Variants in PSMD13 observed in about 807,000 individuals in gnomAD.
PSMD13 encodes the protein proteasome 26S subunit, non-ATPase 13, also known as 26S proteasome non-ATPase regulatory subunit 13.
Under a neutral mutation model 57.4 loss-of-function variants are expected in PSMD13, and 8 were observed. That is an observed-to-expected ratio of 0.14 (90% confidence interval 0.08 to 0.25). The LOEUF (loss-of-function observed/expected upper bound fraction) is 0.25, where lower values mean the gene tolerates loss of function less well. PSMD13 is among the 10% of genes least tolerant of loss of function. PSMD13 has a pLI of 1.00. For missense variants in PSMD13, 400 were observed against 461.5 expected (o/e 0.87, Z 1.22); for synonymous variants, 193 against 168.2 (o/e 1.15, Z -1.14).
At position 249,911 on chromosome 11, in the gene PSMD13, A is replaced by G. The variant is rs894569394; in HGVS notation, c.774+854A>G. ...GCATAGTGGAGCAGGGTAGATATAG[A>G]TGAAGGCACTGTGAAGAGGCAGAAA... On this transcript the variant is annotated intron_variant, in intron 9 of 12. Transcript: ENST00000532097. Among the ~76,000 whole-genome samples the G allele has an allele frequency of 2.0e-5, 3 of 152,184 alleles. No individual in the cohort carries two copies. The East Asian group carries it at 5.8e-4, about 29-fold the overall frequency.
chr11:251,804 C>G lies in PSMD13; in HGVS notation c.919-16C>G. ...TCAGGCTATCTTGTCTTACACACGC[C>G]TCCCTCTCTGCACAGGTGGAGCTTC... On this transcript the variant is annotated splice_polypyrimidine_tract_variant and intron_variant, in intron 11 of 12. Transcript: ENST00000532097. The surrounding 1 kb of genome is among the most constrained non-coding windows in gnomAD (Gnocchi z 4.6). 6.2e-7 allele frequency: 1 copy of G among 1,611,634 alleles called. No homozygotes were observed. Among genetic ancestry groups the G allele is most frequent in the Non-Finnish European group, 8.5e-7 (1 of 1,178,088 alleles).
chr11:246,014 T>C (rs1359929292), intron 6 of PSMD13, among the ~76,000 whole-genome samples: 1 of 152,086 alleles, frequency 6.6e-6, no homozygotes, highest in Non-Finnish European at 1.5e-5. Context: ...ACCACACTTC[T>C]CCCCCAGCCA....
intron 4 of PSMD13, 95 bp from the exon 5 acceptor site, chr11:244,331 T>C (rs1859586119): frequency 2.5e-6 from 4 of 1,578,682 alleles, no homozygotes; most frequent in East Asian, 2.2e-5. Context: ...TATTATACTT[T>C]ATGGTCAAAA....
intron 8 of PSMD13, 24 bp downstream of exon 8, chr11:248,879 T>C: frequency 1.2e-6 from 2 of 1,614,190 alleles, no homozygotes; most frequent in Non-Finnish European, 1.7e-6. Context: ...GAGCTCAGCT[T>C]CCTTAACGAG....
At chr11:239,997 T>G (rs1859478958) in intron 2 of PSMD13, among the ~76,000 whole-genome samples, 1 of 152,038 alleles carries the variant, frequency 6.6e-6, no homozygotes, top group African/African-American at 2.4e-5. Context: ...GCCATCAATT[T>G]GACATTTTAC....
In PSMD13 at chr11:244,201, G is replaced by A; in HGVS notation, c.250G>A (p.Val84Ile). 6.2e-7 allele frequency: 1 copy of A among 1,610,800 alleles called. No individual in the cohort carries two copies. Among genetic ancestry groups the A allele is most frequent in the Non-Finnish European group, 8.5e-7 (1 of 1,178,154 alleles). Residue 84 changes from valine (V) to isoleucine (I), a missense_variant, in exon 4 of 13, where the codon GTT becomes ATT. Physicochemically the swap from Val to Ile is conservative, Grantham distance 29 (BLOSUM62 3). Transcript: ENST00000532097. The part of the protein sequence containing the change: ...LSLVEIILHV[V>I]RQMTDPNVAL... ...CCTCGTGGAAATCATTCTTCATGTA[G>A]TTAGACAGATGACTGGTAAGTCTCA...
chr11:238,135 G>C (rs1350186830), intron 1 of PSMD13, among the ~76,000 whole-genome samples: 1 of 152,198 alleles, frequency 6.6e-6, no homozygotes, highest in African/African-American at 2.4e-5. Context: ...CACTGTCCCT[G>C]AGGTTTTAAA....
chr11:251,643 C>T lies in PSMD13; in HGVS notation c.918+17C>T, dbSNP rs750848395. ...GTGAATGAGGTACGGTCCCTAGGCT[C>T]AGGGTGTTAGAGCAGCAAAGCTGCC... On this transcript the variant is annotated intron_variant, in intron 11 of 12. Coordinates refer to ENST00000532097, the MANE Select transcript of PSMD13 (RefSeq NM_002817.4). The surrounding 1 kb of genome is among the most constrained non-coding windows in gnomAD (Gnocchi z 4.6). 6.8e-6 allele frequency: 11 copies of T among 1,606,756 alleles called. No homozygotes were observed. The African/African-American group carries it at 1.2e-4, about 18-fold the overall frequency.
chr11:247,997 T>TC (rs2133990428), intron 7 of PSMD13: 1 of 152,920 alleles, frequency 6.5e-6, no homozygotes, highest in South Asian at 2.1e-4. Flanking sequence ...CCTTCTCCAG[T>TC]CCCTCACTGT....
At chr11:248,214 T>G (rs554863444) in intron 7 of PSMD13, 1 of 153,272 alleles carries the variant, frequency 6.5e-6, no homozygotes, top group Non-Finnish European at 1.5e-5. Flanking sequence ...CCTGTGAGTT[T>G]TGGAAAAAGT....
At chr11:242,301 G>A (rs1177105920) in intron 2 of PSMD13, among the ~76,000 whole-genome samples, 2 of 147,772 alleles carry the variant, frequency 1.4e-5, no homozygotes, top group Non-Finnish European at 3.0e-5. Flanking sequence ...TGTGCTGAAT[G>A]GCTAAGAAAT....
At chr11:250,075 A>C (rs508693) in intron 9 of PSMD13, among the ~76,000 whole-genome samples, 1 of 152,134 alleles carries the variant, frequency 6.6e-6, no homozygotes, top group Non-Finnish European at 1.5e-5. Flanking sequence ...GGCAGCATCT[A>C]TTCAGGCAGC....
intron 5 of PSMD13, 45 bp from the exon 6 acceptor site, chr11:244,630 C>T (rs1859593140): frequency 6.4e-7 from 1 of 1,569,192 alleles, no homozygotes; most frequent in Non-Finnish European, 8.7e-7. Flanking sequence ...TGTTAGTCAA[C>T]TGCCCACATT....
rs908197490 is a variant in PSMD13, at chr11:251,727, C to T, written c.919-93C>T. The T allele has an allele frequency of 2.4e-5, 36 of 1,525,322 alleles. No homozygotes were observed. Among genetic ancestry groups the T allele is most frequent in the African/African-American group, 8.3e-5 (6 of 72,544 alleles). 94.5% of individuals were successfully genotyped at this position (1,525,322 alleles called of 1,614,324 possible). A position where few individuals can be genotyped will look rare whatever the true frequency, so the allele number is the denominator to read the frequency against. On this transcript the variant is annotated intron_variant, in intron 11 of 12. Coordinates refer to ENST00000532097, the MANE Select transcript of PSMD13 (RefSeq NM_002817.4). The surrounding 1 kb of genome is among the most constrained non-coding windows in gnomAD (Gnocchi z 4.6). ...GTGCTCCCTAGACAGTAAAAAATGA[C>T]GGGAGGAGCGGCATCTGCTTCTCAC... is the stretch of plus-strand genomic sequence containing the variant.
rs948452398 is a variant in PSMD13 at position 252,168 on chromosome 11, C to T, written c.1035+232C>T. ...ATGACAATGGCACTGGTTGTGCTGA[C>T]GGTGCCTTTTAATCTTAAGATAGGA... On this transcript the variant is annotated intron_variant, in intron 12 of 12. Transcript: ENST00000532097. The surrounding 1 kb of genome is among the most constrained non-coding windows in gnomAD (Gnocchi z 4.1). The T allele has an allele frequency of 8.7e-5, 45 of 519,832 alleles. 1 individual carries two copies. The South Asian group carries it at 9.6e-4, about 11-fold the overall frequency. 32.2% of individuals were successfully genotyped at this position (519,832 alleles called of 1,614,324 possible). A position where few individuals can be genotyped will look rare whatever the true frequency, so the allele number is the denominator to read the frequency against.
In PSMD13 at chr11:240,101, CTTTTTTTTTTTTTTTTTTT is replaced by C. The variant is rs60869932; in HGVS notation, c.174+1034_174+1052del. Among the ~76,000 whole-genome samples the C allele has an allele frequency of 2.3e-3, 116 of 51,442 alleles. 2 individuals are homozygous for C. Among genetic ancestry groups the C allele is most frequent in the African/African-American group, 8.2e-3 (111 of 13,610 alleles). 33.7% of individuals were successfully genotyped at this position (51,442 alleles called of 152,430 possible). On this transcript the variant is annotated intron_variant, in intron 2 of 12. Coordinates refer to ENST00000532097, the MANE Select transcript of PSMD13 (RefSeq NM_002817.4). The stretch of plus-strand genomic sequence containing the variant: ...GTGGGAAAATGATAAATGAGACCTG[CTTTTTTTTTTTTTTTTTTT>C]TTTTTTTTGACGGAGTTTCGCTCTT...
intron 6 of PSMD13, among the ~76,000 whole-genome samples, chr11:246,178 G>A (rs1859643610): frequency 6.6e-6 from 1 of 152,164 alleles, no homozygotes; most frequent in Non-Finnish European, 1.5e-5. Flanking sequence ...CATTGTATAA[G>A]TGTTTCACAA....
At chr11:239,199 T>C in intron 2 of PSMD13, 123 bp downstream of exon 2, 1 of 957,444 alleles carries the variant, frequency 1.0e-6, no homozygotes. Flanking sequence ...TTACGTCAGG[T>C]ACTGGTCTGA....
chr11:251,034 C>CTTT lies in PSMD13; in HGVS notation c.837+170_837+171insTTT. ...TTTTCCTTTGCTACCACTTGCTCTT[C>CTTT]TAAGTTTATATTTGGCTCTTAGCTC... On this transcript the variant is annotated intron_variant, in intron 10 of 12. Coordinates refer to ENST00000532097, the MANE Select transcript of PSMD13 (RefSeq NM_002817.4). The surrounding 1 kb of genome is among the most constrained non-coding windows in gnomAD (Gnocchi z 4.6). 1 of 633,376 alleles carries CTTT rather than the reference C, an allele frequency of 1.6e-6. No individual in the cohort carries two copies. Among genetic ancestry groups the CTTT allele is most frequent in the Admixed American group, 2.7e-5 (1 of 36,810 alleles). The allele number at this position is 633,376 out of a possible 1,614,324, so 39.2% of individuals were successfully genotyped here. A position where few individuals can be genotyped will look rare whatever the true frequency, so the allele number is the denominator to read the frequency against.
Sources: allele counts gnomAD v4.1 joint callset (sites outside exome capture counted in the v4.1 genomes callset), GRCh38; gene constraint gnomAD v4.1.1; non-coding constraint Gnocchi (gnomAD v3.1); transcripts MANE v1.5; gene names NCBI Gene and HGNC (gene_info 2026-07-23, HGNC 2026-07-21).